PSMD5: variants seen among roughly 807,000 people sequenced by gnomAD.
The protein encoded by PSMD5 is 26S proteasome non-ATPase regulatory subunit 5.
PSMD5 carries 40 observed loss-of-function variants against 52.1 expected under a neutral mutation model. The observed-to-expected ratio is 0.77, with a 90% CI of 0.60 to 1.00. PSMD5 has a LOEUF of 1.00. PSMD5 is among the 50% of genes least tolerant of loss of function. PSMD5 has a pLI of 0.00. For missense variants in PSMD5, 575 were observed against 605.2 expected (o/e 0.95, Z 0.52); for synonymous variants, 211 against 226.6 (o/e 0.93, Z 0.62).
Position 120,820,887 on chromosome 9 carries a change from A to T in PSMD5, c.1209T>A (p.Ser403Arg). The change falls in exon 9 of 10, where the codon AGT becomes AGA. Residue 403 changes from serine to arginine, a missense_variant. Coordinates refer to ENST00000210313, the MANE Select transcript of PSMD5 (RefSeq NM_005047.4). ...RDPLELFRGI[S>R]SQPFPELHCA... ...AGTGTAGTTCAGGGAAGGGCTGACT[A>T]CTAATGCCACGGAAGAGCTCCAGTG... The T allele has an allele frequency of 6.2e-7, 1 of 1,608,152 alleles. No individual in the cohort carries two copies. The highest frequency in any genetic ancestry group is 8.5e-7 in the Non-Finnish European group (1 of 1,178,512).
intron 9 of PSMD5, among the ~76,000 whole-genome samples, chr9:120,818,734 T>G (rs532734428): frequency 6.8e-6 from 1 of 147,476 alleles, no homozygotes; most frequent in Non-Finnish European, 1.5e-5. Context: ...AGACAAATTT[T>G]AAAAAAACGT....
chr9:120,823,652 C>T (rs1335849326), intron 7 of PSMD5, among the ~76,000 whole-genome samples: 1 of 151,732 alleles, frequency 6.6e-6, no homozygotes, highest in Non-Finnish European at 1.5e-5. Context: ...GCTGGGACTA[C>T]AGTTGTGCAG....
intron 6 of PSMD5, among the ~76,000 whole-genome samples, chr9:120,826,351 G>A (rs2045122057): frequency 6.6e-6 from 1 of 152,016 alleles, no homozygotes; most frequent in African/African-American, 2.4e-5. Flanking sequence ...TGTTAGCTGT[G>A]GGTTTGTCAT....
At chr9:120,835,631 A>G (rs1352223815) in intron 1 of PSMD5, among the ~76,000 whole-genome samples, 1 of 152,140 alleles carries the variant, frequency 6.6e-6, no homozygotes, top group Non-Finnish European at 1.5e-5. Flanking sequence ...CAGGAGGCTG[A>G]GGCAGGAGAA....
Position 120,820,882 on chromosome 9 carries a change from T to C in PSMD5, c.1214A>G (p.Gln405Arg), listed in dbSNP as rs749811129. The change falls in exon 9 of 10, where the codon CAG becomes CGG. Residue 405 changes from glutamine (Q) to arginine (R), a missense_variant. Coordinates refer to ENST00000210313, the MANE Select transcript of PSMD5 (RefSeq NM_005047.4). ...AGCACAGTGTAGTTCAGGGAAGGGCTGACTACTAATGCCACGGAAGAGCTC... is the reference window on the plus strand; with the variant it reads ...AGCACAGTGTAGTTCAGGGAAGGGCCGACTACTAATGCCACGGAAGAGCTC... ...PLELFRGISS[Q>R]PFPELHCAAL... The C allele has an allele frequency of 1.9e-6, 3 of 1,606,634 alleles. No homozygotes were observed. The highest frequency in any genetic ancestry group is 1.7e-6 in the Non-Finnish European group (2 of 1,178,178).
rs571990818 is a variant in PSMD5, at chr9:120,833,542, C to T, written c.174-86G>A. On this transcript the variant is annotated intron_variant, in intron 1 of 9. Transcript: ENST00000210313. ...TAATAATAGCTGAAGCTTGCGTCAGCGTCTCCTCCACACAGACTTCTTTTT... is the reference window on the plus strand; with the variant it reads ...TAATAATAGCTGAAGCTTGCGTCAGTGTCTCCTCCACACAGACTTCTTTTT... 9 of 1,386,774 alleles carry T rather than the reference C, an allele frequency of 6.5e-6. No homozygotes were observed. In the Admixed American group the frequency reaches 1.2e-4, roughly 19 times the overall value. 85.9% of individuals were successfully genotyped at this position (1,386,774 alleles called of 1,614,324 possible). A position where few individuals can be genotyped will look rare whatever the true frequency, so the allele number is the denominator to read the frequency against.
At chr9:120,832,989 A>G (rs111374973) in intron 2 of PSMD5, among the ~76,000 whole-genome samples, 1,738 of 152,352 alleles carry the variant, frequency 0.011, 45 homozygotes, top group African/African-American at 0.039. Context: ...GAAAGTAATC[A>G]GTTTTGTTTA....
At chr9:120,831,289 A>G (rs2045157880) in intron 4 of PSMD5, 42 bp downstream of exon 4, 1 of 1,539,422 alleles carries the variant, frequency 6.5e-7, no homozygotes, top group Non-Finnish European at 8.7e-7. Flanking sequence ...GCCAAACTGC[A>G]TTCTGCTTTG....
intron 1 of PSMD5, among the ~76,000 whole-genome samples, chr9:120,836,369 C>T (rs964469320): frequency 2.0e-5 from 3 of 148,514 alleles, no homozygotes; most frequent in Non-Finnish European, 3.0e-5. Flanking sequence ...TGTTGAATAT[C>T]TTTCTACGTG....
rs745367929 is a variant in PSMD5 at position 120,817,975 on chromosome 9, T to A, written c.1446A>T (p.Arg482Ser). ...AGTATGGCCCTTCACTCAGGTAAGT[T>A]CTGAGCCTCAAATAATTTGGGTTCC... Reference protein sequence around the residue: ...IFGNPNYLRLRTYLSEGPYYV... With the variant: ...IFGNPNYLRLSTYLSEGPYYV... The change falls in exon 10 of 10, where the codon AGA (arginine) becomes AGT (serine). Residue 482 changes from arginine (R) to serine (S), a missense_variant. Transcript: ENST00000210313. 6.2e-7 allele frequency: 1 copy of A among 1,614,228 alleles called. No homozygotes were observed. The highest frequency in any genetic ancestry group is 1.1e-5 in the South Asian group (1 of 91,086).
intron 1 of PSMD5, among the ~76,000 whole-genome samples, chr9:120,839,098 C>CAGA (rs2045216651): frequency 6.6e-6 from 1 of 151,992 alleles, no homozygotes; most frequent in South Asian, 2.1e-4. Context: ...AAAGGATGGA[C>CAGA]AGAATATGGA....
Position 120,817,887 on chromosome 9 carries a change from A to G in PSMD5, c.*19T>C. 1 of 1,602,636 alleles carries G rather than the reference A, an allele frequency of 6.2e-7. No homozygotes were observed. The highest frequency in any genetic ancestry group is 8.5e-7 in the Non-Finnish European group (1 of 1,171,638). ...AGTTTTGGTCAAAACGTGGTCCTCT[A>G]CATGAGCTCTAGAAGAAATCATTCG... On this transcript the variant is annotated 3_prime_UTR_variant, in exon 10 of 10. Coordinates refer to ENST00000210313, the MANE Select transcript of PSMD5 (RefSeq NM_005047.4).
intron 1 of PSMD5, 135 bp from the exon 2 acceptor site, chr9:120,833,591 A>G: frequency 1.1e-6 from 1 of 872,646 alleles, no homozygotes; most frequent in African/African-American, 1.7e-5. Context: ...TCACTCACCT[A>G]CTAAACATTT....
intron 2 of PSMD5, among the ~76,000 whole-genome samples, chr9:120,832,992 T>C (rs920279297): frequency 1.3e-5 from 2 of 152,232 alleles, no homozygotes; most frequent in Non-Finnish European, 1.5e-5. Context: ...AGTAATCAGT[T>C]TTGTTTATCT....
At chr9:120,827,058 G>T in intron 5 of PSMD5, 151 bp from the exon 6 acceptor site, 1 of 724,222 alleles carries the variant, frequency 1.4e-6, no homozygotes, top group Non-Finnish European at 2.1e-6. Flanking sequence ...AAGCCCTAAG[G>T]CCTAGAAATT....
intron 7 of PSMD5, among the ~76,000 whole-genome samples, chr9:120,822,610 G>A (rs896333645): frequency 5.9e-5 from 9 of 151,816 alleles, no homozygotes; most frequent in Admixed American, 1.3e-4. Context: ...GTGCAATGGC[G>A]CAATCTCGAC....
chr9:120,821,584 G>C (rs2045085174), intron 7 of PSMD5, 120 bp from the exon 8 acceptor site: 2 of 561,954 alleles, frequency 3.6e-6, no homozygotes, highest in African/African-American at 1.9e-5. Context: ...CACACTGTTG[G>C]GCAACCATCA....
chr9:120,833,407 T>C lies in PSMD5; in HGVS notation c.223A>G (p.Met75Val), dbSNP rs774787407. 3.1e-6 allele frequency: 5 copies of C among 1,613,932 alleles called. No individual in the cohort carries two copies. Among genetic ancestry groups the C allele is most frequent in the East Asian group, 2.2e-5 (1 of 44,904 alleles). The change falls in exon 2 of 10, where the codon ATG (methionine) becomes GTG (valine). Residue 75 changes from methionine to valine, a missense_variant. Met to Val is a conservative substitution (Grantham distance 21). Coordinates refer to ENST00000210313, the MANE Select transcript of PSMD5 (RefSeq NM_005047.4). ...VSILERLLQA[M>V]EPVHVARNLR... is the part of the protein sequence containing the mutation. ...TTCCGGGCCACGTGAACCGGTTCCA[T>C]AGCTTGGAGCAATCTCTCCAGAATG...
intron 6 of PSMD5, 141 bp from the exon 7 acceptor site, chr9:120,824,826 G>A: frequency 1.5e-6 from 1 of 674,376 alleles, no homozygotes; most frequent in Non-Finnish European, 2.4e-6. Context: ...CTGGAGATCA[G>A]AGAGACCATT....
Sources: allele counts gnomAD v4.1 joint callset (sites outside exome capture counted in the v4.1 genomes callset), GRCh38; gene constraint gnomAD v4.1.1; transcripts MANE v1.5; gene names NCBI Gene and HGNC (gene_info 2026-07-23, HGNC 2026-07-21).